FOXJ3: variants seen among roughly 807,000 people sequenced by gnomAD.
The protein encoded by FOXJ3 is forkhead box protein J3.
In FOXJ3, 22 loss-of-function variants were observed where a neutral mutation model predicts 76.1. The observed-to-expected ratio is 0.29, with a 90% CI of 0.21 to 0.41. The LOEUF is 0.41. Among genes scored for constraint, FOXJ3 ranks in the 10% least tolerant of loss-of-function variants. The pLI, the probability that FOXJ3 is intolerant of heterozygous loss-of-function variation, is 1.00. For missense variants in FOXJ3, 613 were observed against 762.1 expected, an observed-to-expected ratio of 0.80 and a Z score of 2.30; for synonymous variants, 269 against 261.2, an observed-to-expected ratio of 1.03 and a Z score of -0.29.
At chr1:42,227,659 C>T (rs568490723) in intron 5 of FOXJ3, among the ~76,000 whole-genome samples, 3 of 152,218 alleles carry the variant, frequency 2.0e-5, no homozygotes, top group Non-Finnish European at 2.9e-5. Flanking sequence ...ACGACACCTG[C>T]GCCCTAATTA....
intron 2 of FOXJ3, among the ~76,000 whole-genome samples, chr1:42,280,608 T>G (rs898532394): frequency 6.6e-6 from 1 of 152,100 alleles, no homozygotes; most frequent in African/African-American, 2.4e-5. Flanking sequence ...AGATCAGAGA[T>G]GAATCCCTTC....
upstream of FOXJ3, chr1:42,335,737 C>T (rs1557735914): frequency 6.6e-6 from 1 of 152,206 alleles, no homozygotes; most frequent in Non-Finnish European, 1.5e-5. Flanking sequence ...TTCAGGACAC[C>T]CCTCTTTTCA....
chr1:42,322,592 T>C (rs1655496796), intron 1 of FOXJ3, among the ~76,000 whole-genome samples: 1 of 152,102 alleles, frequency 6.6e-6, no homozygotes, highest in Non-Finnish European at 1.5e-5. Flanking sequence ...TTGGTGTTAG[T>C]TGCTCAACAA....
chr1:42,275,014 C>CA (rs1652154828), intron 3 of FOXJ3, among the ~76,000 whole-genome samples: 1 of 151,938 alleles, frequency 6.6e-6, no homozygotes, highest in African/African-American at 2.4e-5. Context: ...AAGGAAGGTA[C>CA]AAAAAATAAA....
At chr1:42,238,565 T>C (rs916012203) in intron 4 of FOXJ3, among the ~76,000 whole-genome samples, 2 of 152,126 alleles carry the variant, frequency 1.3e-5, no homozygotes, top group Non-Finnish European at 2.9e-5. Flanking sequence ...TATGAGGAAT[T>C]ATTTTTTCCC....
At chr1:42,206,328 G>C (rs888073454) in intron 5 of FOXJ3, among the ~76,000 whole-genome samples, 2 of 152,204 alleles carry the variant, frequency 1.3e-5, no homozygotes, top group African/African-American at 4.8e-5. Context: ...TCATGTCTTT[G>C]AAAGAAACCT....
At chr1:42,284,224 T>C (rs553141064) in intron 2 of FOXJ3, among the ~76,000 whole-genome samples, 13 of 152,276 alleles carry the variant, frequency 8.5e-5, no homozygotes, top group African/African-American at 2.9e-4. Flanking sequence ...TAGCACACTC[T>C]CTTAAAGATG....
At chr1:42,182,508 T>C (rs1646345427) in intron 11 of FOXJ3, among the ~76,000 whole-genome samples, 2 of 152,128 alleles carry the variant, frequency 1.3e-5, no homozygotes, top group Non-Finnish European at 2.9e-5. Context: ...TCATGGACTC[T>C]CTTTTTTGAG....
intron 4 of FOXJ3, among the ~76,000 whole-genome samples, chr1:42,232,240 T>C (rs1648207091): frequency 6.7e-6 from 1 of 149,062 alleles, no homozygotes; most frequent in Non-Finnish European, 1.5e-5. Context: ...CTATTGTGAA[T>C]AGTGCTGCAA....
At chr1:42,228,624 ATAT>A (rs767228855) in intron 4 of FOXJ3, among the ~76,000 whole-genome samples, 4 of 152,144 alleles carry the variant, frequency 2.6e-5, no homozygotes, top group Non-Finnish European at 5.9e-5. Flanking sequence ...AAGTTTGCAA[ATAT>A]TATACAAACA....
chr1:42,205,304 C>T (rs1646839971), intron 6 of FOXJ3, among the ~76,000 whole-genome samples: 1 of 151,840 alleles, frequency 6.6e-6, no homozygotes, highest in Admixed American at 6.5e-5. Context: ...TGGCTATATT[C>T]CTAGACTTGA....
chr1:42,278,524 T>C lies in FOXJ3; in HGVS notation c.193A>G (p.Thr65Ala), dbSNP rs571197942. 4.3e-6 allele frequency: 7 copies of C among 1,613,986 alleles called. No homozygotes were observed. The Admixed American group carries it at 8.3e-5, about 19-fold the overall frequency. Reference protein sequence around the residue: ...KKNALLDPNTTLDQEEVQQHK... With the variant: ...KKNALLDPNTALDQEEVQQHK... ...TGTTGGACTTCTTCCTGGTCCAGAG[T>C]TGTATTTGGGTCAAGGAGTGCATTC... The change falls in exon 3 of 13, where the codon ACT becomes GCT. Residue 65 changes from threonine to alanine, a missense_variant. Around this residue, in one of 3 missense-constraint regions of FOXJ3, gnomAD observed 77 missense variants for 115.1 expected, o/e 0.67. Coordinates refer to ENST00000361346, the MANE Select transcript of FOXJ3 (RefSeq NM_014947.5).
At chr1:42,328,211 G>T (rs1326888629) in intron 1 of FOXJ3, among the ~76,000 whole-genome samples, 2 of 152,190 alleles carry the variant, frequency 1.3e-5, no homozygotes, top group African/African-American at 2.4e-5. Flanking sequence ...CAGGAGGATC[G>T]CTTGAGCCCT....
At chr1:42,237,447 T>C (rs1648767784) in intron 4 of FOXJ3, among the ~76,000 whole-genome samples, 1 of 147,302 alleles carries the variant, frequency 6.8e-6, no homozygotes, top group Non-Finnish European at 1.5e-5. Context: ...CATATATATA[T>C]ATACACATAC....
intron 11 of FOXJ3, among the ~76,000 whole-genome samples, chr1:42,183,978 C>G (rs482394): frequency 0.3 from 44,899 of 151,960 alleles, 7,360 homozygotes; most frequent in African/African-American, 0.44. Context: ...TCAGAACTGA[C>G]CTCTTTGACT....
intron 2 of FOXJ3, among the ~76,000 whole-genome samples, chr1:42,289,353 A>G (rs1653269231): frequency 6.6e-6 from 1 of 152,234 alleles, no homozygotes; most frequent in South Asian, 2.1e-4. Context: ...AGTCAAATAA[A>G]CCTCTAAGCC....
intron 5 of FOXJ3, among the ~76,000 whole-genome samples, chr1:42,210,208 C>T (rs1037135869): frequency 5.9e-5 from 9 of 152,160 alleles, no homozygotes; most frequent in African/African-American, 1.4e-4. Flanking sequence ...CCAACAGCCA[C>T]GGAACTGCCC....
intron 5 of FOXJ3, among the ~76,000 whole-genome samples, chr1:42,210,135 C>A (rs529670488): frequency 6.6e-6 from 1 of 152,130 alleles, no homozygotes; most frequent in East Asian, 1.9e-4. Flanking sequence ...TTGCTACACC[C>A]GATGCCCCAT....
chr1:42,237,672 T>C (rs1055695436), intron 4 of FOXJ3, among the ~76,000 whole-genome samples: 4 of 151,848 alleles, frequency 2.6e-5, no homozygotes, highest in African/African-American at 9.7e-5. Context: ...CGATATGTGC[T>C]TTATATCTTT....
Sources: gnomAD v4.1 joint callset for allele counts (sites outside exome capture counted in the v4.1 genomes callset) on GRCh38, gnomAD v4.1.1 for gene constraint, gnomAD v4.1.1 regional missense constraint, MANE v1.5 for transcripts, NCBI Gene and HGNC (gene_info 2026-07-23, HGNC 2026-07-21) for gene names.